CNTNAP2: variants seen among roughly 807,000 people sequenced by gnomAD.
CNTNAP2 encodes contactin associated protein 2.
A neutral mutation model predicts 155.2 loss-of-function variants in CNTNAP2; 98 were observed. The ratio of observed to expected loss-of-function variants is 0.63; its 90% CI spans 0.54 to 0.75. CNTNAP2 has a LOEUF of 0.75. Among genes scored for constraint, CNTNAP2 ranks in the 30% least tolerant of loss-of-function variants. CNTNAP2 has a pLI of 0.00. For synonymous variants in CNTNAP2, 651 were observed against 631.2 expected, an observed-to-expected ratio of 1.03 and a Z score of -0.47; for missense variants, 1,727 against 1,688.1, an observed-to-expected ratio of 1.02 and a Z score of -0.40.
intron 13 of CNTNAP2, among the ~76,000 whole-genome samples, chr7:147,823,683 T>G (rs1798398329): frequency 6.6e-6 from 1 of 151,172 alleles, no homozygotes; most frequent in Non-Finnish European, 1.5e-5. Flanking sequence ...AGCAGTAACC[T>G]GCAAAAATCA....
At chr7:146,796,192 G>C (rs1197692596) in intron 2 of CNTNAP2, among the ~76,000 whole-genome samples, 4 of 152,158 alleles carry the variant, frequency 2.6e-5, no homozygotes, top group African/African-American at 9.7e-5. Flanking sequence ...CTAAGTTGCA[G>C]GGAGGGAGAT....
chr7:146,480,491 C>T (rs966599175), intron 1 of CNTNAP2, among the ~76,000 whole-genome samples: 1 of 151,728 alleles, frequency 6.6e-6, no homozygotes, highest in Admixed American at 6.6e-5. Flanking sequence ...CCTTGAAGAA[C>T]ATAATATTAA....
intron 20 of CNTNAP2, among the ~76,000 whole-genome samples, chr7:148,231,495 G>A (rs1795960398): frequency 6.6e-6 from 1 of 152,196 alleles, no homozygotes; most frequent in African/African-American, 2.4e-5. Context: ...GGAGCCTGGA[G>A]AATTAAAACT....
intron 2 of CNTNAP2, among the ~76,000 whole-genome samples, chr7:146,791,093 C>G (rs895658397): frequency 1.4e-4 from 22 of 151,998 alleles, no homozygotes; most frequent in African/African-American, 5.3e-4. Flanking sequence ...TGACAGGCCC[C>G]AGTGTGTGAT....
chr7:147,129,668 G>T (rs1313149085), intron 7 of CNTNAP2, among the ~76,000 whole-genome samples: 1 of 152,114 alleles, frequency 6.6e-6, no homozygotes, highest in Non-Finnish European at 1.5e-5. Context: ...ATAATGTCAT[G>T]AGTGTTTGCA....
At chr7:146,176,247 C>T (rs1316950917) in intron 1 of CNTNAP2, among the ~76,000 whole-genome samples, 1 of 152,116 alleles carries the variant, frequency 6.6e-6, no homozygotes, top group African/African-American at 2.4e-5. Context: ...GTGTTGAAGA[C>T]TCATGTTTGA....
chr7:147,804,842 C>T (rs1040152666), intron 13 of CNTNAP2, among the ~76,000 whole-genome samples: 11 of 152,192 alleles, frequency 7.2e-5, no homozygotes, highest in Admixed American at 7.2e-4. Flanking sequence ...GCATGAGCCA[C>T]CCAGCCCAGC....
chr7:147,949,776 C>A (rs1266114257), intron 14 of CNTNAP2, among the ~76,000 whole-genome samples: 1 of 151,954 alleles, frequency 6.6e-6, no homozygotes, highest in Non-Finnish European at 1.5e-5. Context: ...GTCAGGAAAC[C>A]CAAGTAGGAT....
intron 9 of CNTNAP2, among the ~76,000 whole-genome samples, chr7:147,377,519 A>G (rs1796456513): frequency 6.6e-6 from 1 of 151,786 alleles, no homozygotes; most frequent in African/African-American, 2.4e-5. Context: ...TCTTTTCTGG[A>G]CATAGTTCCA....
intron 21 of CNTNAP2, among the ~76,000 whole-genome samples, chr7:148,345,609 C>G (rs1798312270): frequency 6.6e-6 from 1 of 152,032 alleles, no homozygotes; most frequent in African/African-American, 2.4e-5. Context: ...GGTCTCGAAC[C>G]CCTGACCTCG....
At chr7:147,656,833 A>G (rs1795532440) in intron 13 of CNTNAP2, among the ~76,000 whole-genome samples, 1 of 152,222 alleles carries the variant, frequency 6.6e-6, no homozygotes, top group Non-Finnish European at 1.5e-5. Context: ...CAAGCCTTCA[A>G]TTTATAATAA....
At chr7:147,051,417 G>A (rs79131980) in intron 4 of CNTNAP2, among the ~76,000 whole-genome samples, 9,806 of 151,904 alleles carry the variant, frequency 0.065, 415 homozygotes, top group Middle Eastern at 0.13. Context: ...CCTAAAGCAT[G>A]AACTCTGCCC....
chr7:147,061,646 C>T (rs945838743), intron 4 of CNTNAP2, among the ~76,000 whole-genome samples: 1 of 152,174 alleles, frequency 6.6e-6, no homozygotes, highest in African/African-American at 2.4e-5. Context: ...CTCCACGATT[C>T]AGTGATTCTC....
At chr7:146,387,302 G>A (rs1795475261) in intron 1 of CNTNAP2, among the ~76,000 whole-genome samples, 1 of 152,138 alleles carries the variant, frequency 6.6e-6, no homozygotes, top group Non-Finnish European at 1.5e-5. Context: ...AAAACCACCA[G>A]AGAGAACAAG....
At chr7:147,938,113 T>A (rs2710094) in intron 14 of CNTNAP2, among the ~76,000 whole-genome samples, 134,479 of 152,146 alleles carry the variant, frequency 0.88, 60,220 homozygotes, top group Non-Finnish European at 0.96. Flanking sequence ...CTGACTCGAA[T>A]TTCATTTTAT....
intron 1 of CNTNAP2, among the ~76,000 whole-genome samples, chr7:146,220,040 C>A (rs116483149): frequency 0.018 from 2,728 of 152,180 alleles, 74 homozygotes; most frequent in African/African-American, 0.056. Context: ...GACACTAAAT[C>A]CAGTTCTCCT....
chr7:148,161,920 C>G (rs956523125), intron 17 of CNTNAP2, among the ~76,000 whole-genome samples: 2 of 152,168 alleles, frequency 1.3e-5, no homozygotes, highest in African/African-American at 4.8e-5. Context: ...TCCTCCACCC[C>G]TTTGCTTGGA....
In CNTNAP2 at chr7:147,088,093, G is replaced by C. The variant is rs116745971; in HGVS notation, c.551-20054G>C. ...CTTAACGTGGAAATTCTTGCTTGCA[G>C]CTTCCACTAATCAATCTCGCTAACC... On this transcript the variant is annotated intron_variant, in intron 4 of 23. Coordinates refer to ENST00000361727, the MANE Select transcript of CNTNAP2 (RefSeq NM_014141.6). 8.1e-3 allele frequency among the ~76,000 whole-genome samples: 1,232 copies of C among 152,296 alleles called. 26 individuals are homozygous for C. The highest frequency in any genetic ancestry group is 0.028 in the African/African-American group (1,161 of 41,558).
chr7:148,032,761 C>T (rs558973381), intron 15 of CNTNAP2, among the ~76,000 whole-genome samples: 8 of 152,294 alleles, frequency 5.3e-5, no homozygotes, highest in African/African-American at 1.7e-4. Context: ...CACCTGCTGA[C>T]GCGAAGGCTG....
Sources: allele counts gnomAD v4.1 joint callset (sites outside exome capture counted in the v4.1 genomes callset), GRCh38; gene constraint gnomAD v4.1.1; transcripts MANE v1.5; gene names NCBI Gene and HGNC (gene_info 2026-07-23, HGNC 2026-07-21).